Variants in TTC22 observed in about 807,000 individuals in gnomAD.
The protein encoded by TTC22 is tetratricopeptide repeat protein 22.
In TTC22, 42 loss-of-function variants were observed where a neutral mutation model predicts 48.2. That is an observed-to-expected ratio of 0.87 (90% CI 0.68 to 1.13). The LOEUF (loss-of-function observed/expected upper bound fraction) is 1.13. Among genes scored for constraint, TTC22 ranks in the 50% most tolerant of loss-of-function variants. The pLI, the probability that TTC22 is intolerant of heterozygous loss-of-function variation, is 0.00. For synonymous variants in TTC22, 345 were observed against 365.5 expected, an observed-to-expected ratio of 0.94 and a Z score of 0.64; for missense variants, 784 against 807.0, an observed-to-expected ratio of 0.97 and a Z score of 0.34.
In TTC22 at chr1:54,781,137, C is replaced by G. The variant is rs1355465348; in HGVS notation, c.*106G>C. Reference sequence around the variant, plus strand: ...TCCCGACCAAGAATCGAACTGGCTCCGCTCCCAGGTCAGCCTAAGGCAGGG... The same window carrying G: ...TCCCGACCAAGAATCGAACTGGCTCGGCTCCCAGGTCAGCCTAAGGCAGGG... On this transcript the variant is annotated 3_prime_UTR_variant, in exon 7 of 7. Coordinates refer to ENST00000371276, the MANE Select transcript of TTC22 (RefSeq NM_001114108.2). 1 of 805,160 alleles carries G rather than the reference C, an allele frequency of 1.2e-6. No individual in the cohort carries two copies. The highest frequency in any genetic ancestry group is 1.8e-5 in the African/African-American group (1 of 54,856). The allele number at this position is 805,160 out of a possible 1,614,324, so 49.9% of individuals were successfully genotyped here. A position where few individuals can be genotyped will look rare whatever the true frequency, so the allele number is the denominator to read the frequency against.
rs72895715 is a variant in TTC22, at chr1:54,790,039, C to T, written c.568-1942G>A. On this transcript the variant is annotated intron_variant, in intron 1 of 6. Coordinates refer to ENST00000371276, the MANE Select transcript of TTC22 (RefSeq NM_001114108.2). ...GGGCCCCTGAGTACCAGGGTCAGGA[C>T]TTGGAGCTCATCTGCAAGGTAGTGG... Among the ~76,000 whole-genome samples, 1,126 of 152,298 alleles carry T rather than the reference C, an allele frequency of 7.4e-3. 10 individuals carry two copies. The highest frequency in any genetic ancestry group is 0.024 in the African/African-American group (1,007 of 41,546).
At chr1:54,790,801 TTTC>T (rs1011710589) in intron 1 of TTC22, among the ~76,000 whole-genome samples, 74 of 152,032 alleles carry the variant, frequency 4.9e-4, no homozygotes, top group African/African-American at 1.3e-3. Context: ...TTCTTTCTTC[TTTC>T]TTCTTCTTCT....
chr1:54,797,363 T>C lies in TTC22; in HGVS notation c.567+3234A>G, dbSNP rs1570120845. ...ATCTGCCTCCTCATATTTTTTGTAA[T>C]TTAAGAAAGAGAAATGTGGCTGGGC... On this transcript the variant is annotated intron_variant, in intron 1 of 6. Coordinates refer to ENST00000371276, the MANE Select transcript of TTC22 (RefSeq NM_001114108.2). Among the ~76,000 whole-genome samples the C allele has an allele frequency of 3.3e-5, 5 of 152,292 alleles. 1 individual carries two copies. Among genetic ancestry groups the C allele is most frequent in the African/African-American group, 1.2e-4 (5 of 41,558 alleles).
chr1:54,783,729 A>T (rs1276109668), intron 5 of TTC22, among the ~76,000 whole-genome samples: 1 of 152,236 alleles, frequency 6.6e-6, no homozygotes, highest in Admixed American at 6.5e-5. Flanking sequence ...GGTGGCTCAC[A>T]CCTATAATCC....
At chr1:54,800,353 G>C (rs7537749) in intron 1 of TTC22, among the ~76,000 whole-genome samples, 16,266 of 152,250 alleles carry the variant, frequency 0.11, 1,015 homozygotes, top group South Asian at 0.14. Context: ...TCCAGGTTGG[G>C]CTTGTGCTGT....
At chr1:54,784,614 T>C (rs1646286348) in intron 5 of TTC22, 2 of 1,081,974 alleles carry the variant, frequency 1.8e-6, no homozygotes, top group African/African-American at 3.4e-5. Flanking sequence ...TTAATGTCAT[T>C]ATTATCTAGA....
At chr1:54,788,684 C>T (rs970676475) in intron 1 of TTC22, among the ~76,000 whole-genome samples, 1 of 152,214 alleles carries the variant, frequency 6.6e-6, no homozygotes, top group Non-Finnish European at 1.5e-5. Context: ...TGCATATCAG[C>T]AGCTCTCCCT....
chr1:54,784,883 G>T, intron 5 of TTC22: 1 of 1,122,370 alleles, frequency 8.9e-7, no homozygotes, highest in Non-Finnish European at 1.2e-6. Context: ...GAAGCTAGCA[G>T]GAGGCAGAAC....
rs539708840 is a variant in TTC22, at chr1:54,780,806, T to G, written c.*437A>C. 1.9e-5 allele frequency: 3 copies of G among 154,890 alleles called. No individual in the cohort carries two copies. The Admixed American group carries it at 2.0e-4, about 10-fold the overall frequency. The allele number at this position is 154,890 out of a possible 1,614,324, so 9.6% of individuals were successfully genotyped here. A position where few individuals can be genotyped will look rare whatever the true frequency, so the allele number is the denominator to read the frequency against. Reference sequence around the variant, plus strand: ...GAGACCACACTCCAGTCAACTAAAGTAAACGGGGCTTTCTCATAAGGATAG... The same window carrying G: ...GAGACCACACTCCAGTCAACTAAAGGAAACGGGGCTTTCTCATAAGGATAG... On this transcript the variant is annotated 3_prime_UTR_variant, in exon 7 of 7. Transcript: ENST00000371276.
At chr1:54,781,888 C>T in intron 6 of TTC22, 109 bp from the exon 7 acceptor site, 1 of 993,930 alleles carries the variant, frequency 1.0e-6, no homozygotes, top group Non-Finnish European at 1.4e-6. Flanking sequence ...TCATTCCCAC[C>T]CTCTCTCCAT....
At chr1:54,790,910 T>C (rs1646345846) in intron 1 of TTC22, among the ~76,000 whole-genome samples, 1 of 152,170 alleles carries the variant, frequency 6.6e-6, no homozygotes, top group Non-Finnish European at 1.5e-5. Flanking sequence ...TCACCTAGGC[T>C]GGAGTGCAGT....
At chr1:54,793,635 C>T (rs1238274597) in intron 1 of TTC22, among the ~76,000 whole-genome samples, 3 of 152,192 alleles carry the variant, frequency 2.0e-5, no homozygotes, top group African/African-American at 7.2e-5. Context: ...GCTATCTTCA[C>T]AGTCACATGT....
chr1:54,794,466 T>C (rs1190261803), intron 1 of TTC22, among the ~76,000 whole-genome samples: 1 of 152,228 alleles, frequency 6.6e-6, no homozygotes, highest in African/African-American at 2.4e-5. Context: ...TGACTTACAA[T>C]ATATATGCAT....
At chr1:54,789,517 CA>C (rs1646334465) in intron 1 of TTC22, among the ~76,000 whole-genome samples, 1 of 152,206 alleles carries the variant, frequency 6.6e-6, no homozygotes, top group Admixed American at 6.5e-5. Context: ...CCTTGTGAGT[CA>C]GATCCCACCA....
At position 54,786,037 on chromosome 1, in the gene TTC22, C is replaced by T. The variant is rs1646297847; in HGVS notation, c.966G>A (p.Leu322=). Residue 322 remains leucine, a synonymous_variant, in exon 5 of 7, where the codon CTG becomes CTA. Coordinates refer to ENST00000371276, the MANE Select transcript of TTC22 (RefSeq NM_001114108.2). Reference sequence around the variant, plus strand: ...TGAGTTCTGGATCTCGTAGGACATCCAGGGCCATGTTGCAGGTTCCAATGG... The same window carrying T: ...TGAGTTCTGGATCTCGTAGGACATCTAGGGCCATGTTGCAGGTTCCAATGG... ...DMAIGTCNMA[L]DVLRDPELNW... is the part of the protein sequence containing the mutation. 1.2e-6 allele frequency: 2 copies of T among 1,613,994 alleles called. No individual in the cohort carries two copies. The highest frequency in any genetic ancestry group is 8.5e-7 in the Non-Finnish European group (1 of 1,180,016).
At chr1:54,785,332 A>G (rs1646291550) in intron 5 of TTC22, 3 of 290,706 alleles carry the variant, frequency 1.0e-5, no homozygotes, top group Admixed American at 4.9e-5. Context: ...TATCTTACAG[A>G]TTTGGGAACT....
chr1:54,793,477 T>C (rs1227283032), intron 1 of TTC22, among the ~76,000 whole-genome samples: 2 of 152,190 alleles, frequency 1.3e-5, no homozygotes, highest in Non-Finnish European at 2.9e-5. Context: ...TCCCACAAGA[T>C]CTAGCTGCAA....
intron 4 of TTC22, 71 bp downstream of exon 4, chr1:54,786,886 T>C: frequency 1.3e-6 from 1 of 748,284 alleles, no homozygotes. Flanking sequence ...GAAGCCTGGG[T>C]TCTAGGTGGA....
In TTC22 at chr1:54,780,179, TTAG is replaced by T. The variant is rs1646251154; in HGVS notation, c.*1061_*1063del. ...TAAAATTCCAAGATGTTCTTTAAAA[TTAG>T]TAGAATGGTCAAGACTGGGGGCAGG... On this transcript the variant is annotated 3_prime_UTR_variant, in exon 7 of 7. Coordinates refer to ENST00000371276, the MANE Select transcript of TTC22 (RefSeq NM_001114108.2). 1 of 151,962 alleles carries T rather than the reference TTAG, an allele frequency of 6.6e-6. No individual in the cohort carries two copies. The highest frequency in any genetic ancestry group is 6.6e-5 in the Admixed American group (1 of 15,260). 9.4% of individuals were successfully genotyped at this position (151,962 alleles called of 1,614,324 possible).
Sources: allele counts gnomAD v4.1 joint callset (sites outside exome capture counted in the v4.1 genomes callset), GRCh38; gene constraint gnomAD v4.1.1; transcripts MANE v1.5; gene names NCBI Gene and HGNC (gene_info 2026-07-23, HGNC 2026-07-21).